The following BMPR2 variants were observed in gnomAD, a reference collection of about 807,000 sequenced individuals.
The protein encoded by BMPR2 is bone morphogenetic protein receptor type 2.
In BMPR2, 29 loss-of-function variants were observed where a neutral mutation model predicts 100.8. The ratio of observed to expected loss-of-function variants is 0.29; its 90% CI spans 0.21 to 0.39. The LOEUF is 0.39. BMPR2 is among the 10% of genes least tolerant of loss of function. The probability of loss-of-function intolerance (pLI) is 1.00; values close to 1 mark genes in which losing one functional copy is unlikely to be tolerated. For synonymous variants in BMPR2, 382 were observed against 442.3 expected (o/e 0.86, Z 1.71); for missense variants, 1,011 against 1,274.5 (o/e 0.79, Z 3.15).
Position 202,377,449 on chromosome 2 carries a change from C to G in BMPR2, c.-26C>G. 1 of 1,613,072 alleles carries G rather than the reference C, an allele frequency of 6.2e-7. No individual in the cohort carries two copies. The highest frequency in any genetic ancestry group is 8.5e-7 in the Non-Finnish European group (1 of 1,178,972). On this transcript the variant is annotated 5_prime_UTR_variant, in exon 1 of 13. Coordinates refer to ENST00000374580, the MANE Select transcript of BMPR2 (RefSeq NM_001204.7). ...TACTTCCCATATTTCTTTTCTTTGC[C>G]CTCCTGATTCTTGGCTGGCCCAGGG...
chr2:202,443,648 C>A (rs192219133), intron 1 of BMPR2, among the ~76,000 whole-genome samples: 122 of 150,320 alleles, frequency 8.1e-4, no homozygotes, highest in Non-Finnish European at 1.5e-3. Flanking sequence ...ACTACAACCT[C>A]CACCTCCCTG....
chr2:202,407,903 G>A (rs1690935872), intron 1 of BMPR2, among the ~76,000 whole-genome samples: 1 of 149,634 alleles, frequency 6.7e-6, no homozygotes, highest in Non-Finnish European at 1.5e-5. Flanking sequence ...GCGTGATCTC[G>A]GCTCACTGCA....
At position 202,535,073 on chromosome 2, in the gene BMPR2, C is replaced by G. The variant is rs568757358; in HGVS notation, c.1276+2341C>G. Among the ~76,000 whole-genome samples, 32 of 136,466 alleles carry G rather than the reference C, an allele frequency of 2.3e-4. 1 individual carries two copies. The highest frequency in any genetic ancestry group is 4.9e-4 in the South Asian group (2 of 4,094). The allele number at this position is 136,466 out of a possible 152,430, so 89.5% of individuals were successfully genotyped here. Reference sequence around the variant, plus strand: ...CTCCCTCCCGGACAGGTCGGCTGGCCTGGCTGGGGGCTGACCCCCCCACCT... The same window carrying G: ...CTCCCTCCCGGACAGGTCGGCTGGCGTGGCTGGGGGCTGACCCCCCCACCT... On this transcript the variant is annotated intron_variant, in intron 9 of 12. Transcript: ENST00000374580.
At chr2:202,517,976 C>CTT (rs67110605) in intron 5 of BMPR2, among the ~76,000 whole-genome samples, 14 of 88,438 alleles carry the variant, frequency 1.6e-4, no homozygotes, top group Non-Finnish European at 1.9e-4. Flanking sequence ...CCACGCCTGA[C>CTT]TTTTTTTTTT....
At chr2:202,477,539 C>T (rs1027920194) in intron 3 of BMPR2, among the ~76,000 whole-genome samples, 1 of 152,134 alleles carries the variant, frequency 6.6e-6, no homozygotes, top group African/African-American at 2.4e-5. Flanking sequence ...CCTGTAATCC[C>T]AGCACTTTGG....
At chr2:202,379,759 C>A (rs896643304) in intron 1 of BMPR2, among the ~76,000 whole-genome samples, 1 of 152,168 alleles carries the variant, frequency 6.6e-6, no homozygotes, top group Non-Finnish European at 1.5e-5. Context: ...CATCCTTTTT[C>A]GGGGTCATGG....
intron 9 of BMPR2, among the ~76,000 whole-genome samples, chr2:202,539,888 GATT>G (rs1166778241): frequency 6.6e-6 from 1 of 152,086 alleles, no homozygotes; most frequent in Non-Finnish European, 1.5e-5. Context: ...AAGAAAATGA[GATT>G]ATAAAACTTT....
intron 3 of BMPR2, among the ~76,000 whole-genome samples, chr2:202,479,101 A>G (rs947338166): frequency 2.6e-5 from 4 of 152,176 alleles, no homozygotes; most frequent in African/African-American, 9.7e-5. Flanking sequence ...ATTAGACAAA[A>G]GTGATGGTAT....
chr2:202,432,206 A>T (rs1392574589), intron 1 of BMPR2, among the ~76,000 whole-genome samples: 1 of 150,762 alleles, frequency 6.6e-6, no homozygotes, highest in Non-Finnish European at 1.5e-5. Flanking sequence ...AATTCCTTTA[A>T]GATTTGTTTT....
At chr2:202,429,356 T>G (rs1028150789) in intron 1 of BMPR2, among the ~76,000 whole-genome samples, 15 of 152,188 alleles carry the variant, frequency 9.9e-5, no homozygotes, top group Non-Finnish European at 2.1e-4. Context: ...TTCCTACTAC[T>G]ACTCCCCCTT....
rs757839890 is a variant in BMPR2 at position 202,542,415 on chromosome 2, A to G, written c.1381A>G (p.Lys461Glu). The G allele has an allele frequency of 6.2e-7, 1 of 1,614,106 alleles. No individual in the cohort carries two copies. Among genetic ancestry groups the G allele is most frequent in the Non-Finnish European group, 8.5e-7 (1 of 1,179,992 alleles). The change falls in exon 10 of 13, where the codon AAG becomes GAG. Residue 461 changes from lysine to glutamate, a missense_variant. By Grantham distance (56) the Lys-to-Glu change is moderately conservative. Coordinates refer to ENST00000374580, the MANE Select transcript of BMPR2 (RefSeq NM_001204.7). ...VLVSREKQRP[K>E]FPEAWKENSL... Reference sequence around the variant, plus strand: ...CGTGTCTAGGGAAAAACAGAGACCCAAGTTCCCAGAAGCCTGGAAAGAAAA... The same window carrying G: ...CGTGTCTAGGGAAAAACAGAGACCCGAGTTCCCAGAAGCCTGGAAAGAAAA...
At chr2:202,552,507 C>T (rs1475155330) in intron 10 of BMPR2, among the ~76,000 whole-genome samples, 2 of 152,192 alleles carry the variant, frequency 1.3e-5, no homozygotes, top group Non-Finnish European at 2.9e-5. Context: ...AATAATTCTT[C>T]AAGGAGTTAA....
intron 1 of BMPR2, among the ~76,000 whole-genome samples, 187 bp downstream of exon 1, chr2:202,377,737 G>C (rs1256296717): frequency 6.6e-6 from 1 of 152,216 alleles, no homozygotes; most frequent in East Asian, 1.9e-4. Flanking sequence ...TAATATTCTT[G>C]TGTATTTTCC....
intron 1 of BMPR2, among the ~76,000 whole-genome samples, chr2:202,442,188 C>T (rs1439018154): frequency 6.6e-6 from 1 of 150,448 alleles, no homozygotes; most frequent in Non-Finnish European, 1.5e-5. Context: ...TGATCTTTTA[C>T]TTTATAGCTT....
chr2:202,412,794 A>C (rs1182170942), intron 1 of BMPR2, among the ~76,000 whole-genome samples: 2 of 152,100 alleles, frequency 1.3e-5, no homozygotes, highest in African/African-American at 4.8e-5. Flanking sequence ...TTTTTGTGCA[A>C]ACTGATTTTC....
At chr2:202,439,145 TG>T (rs1373865668) in intron 1 of BMPR2, among the ~76,000 whole-genome samples, 2 of 150,386 alleles carry the variant, frequency 1.3e-5, no homozygotes, top group South Asian at 2.1e-4. Context: ...TTTTCAGTGA[TG>T]TTTTGCCATT....
chr2:202,386,139 C>A (rs1191647451), intron 1 of BMPR2, among the ~76,000 whole-genome samples: 1 of 152,160 alleles, frequency 6.6e-6, no homozygotes, highest in Non-Finnish European at 1.5e-5. Context: ...GACCTTTTCT[C>A]TGTCTGCACC....
intron 3 of BMPR2, among the ~76,000 whole-genome samples, chr2:202,485,803 C>T (rs1692766654): frequency 6.6e-6 from 1 of 151,826 alleles, no homozygotes; most frequent in South Asian, 2.1e-4. Flanking sequence ...CCTGGGCCTC[C>T]CAAAGTGCTG....
chr2:202,436,201 C>T (rs1395719432), intron 1 of BMPR2, among the ~76,000 whole-genome samples: 1 of 150,772 alleles, frequency 6.6e-6, no homozygotes, highest in Non-Finnish European at 1.5e-5. Context: ...CGCCTATAAT[C>T]CCAGCACTTT....
Sources: gnomAD v4.1 joint callset for allele counts (sites outside exome capture counted in the v4.1 genomes callset) on GRCh38, gnomAD v4.1.1 for gene constraint, MANE v1.5 for transcripts, NCBI Gene and HGNC (gene_info 2026-07-23, HGNC 2026-07-21) for gene names.